SLC25A13: variants seen among roughly 807,000 people sequenced by gnomAD.
SLC25A13 encodes electrogenic aspartate/glutamate antiporter SLC25A13, mitochondrial.
In SLC25A13, 70 loss-of-function variants were observed where a neutral mutation model predicts 85.5. The observed-to-expected ratio is 0.82, with a 90% CI of 0.68 to 1.00. SLC25A13 has a LOEUF of 1.00. Ranked by LOEUF, SLC25A13 falls within the 50% of genes least tolerant of loss-of-function variation. The pLI, the probability that SLC25A13 is intolerant of heterozygous loss-of-function variation, is 0.00. For missense variants in SLC25A13, 765 were observed against 819.8 expected, an observed-to-expected ratio of 0.93 and a Z score of 0.82; for synonymous variants, 259 against 288.7, an observed-to-expected ratio of 0.90 and a Z score of 1.04.
At chr7:96,286,730 T>C (rs1451594769) in intron 2 of SLC25A13, among the ~76,000 whole-genome samples, 2 of 152,204 alleles carry the variant, frequency 1.3e-5, no homozygotes, top group Non-Finnish European at 2.9e-5. Flanking sequence ...TCCATGACAC[T>C]GTATCTAGGT....
chr7:96,170,366 T>C (rs1269422922), intron 12 of SLC25A13, among the ~76,000 whole-genome samples: 1 of 152,062 alleles, frequency 6.6e-6, no homozygotes, highest in Non-Finnish European at 1.5e-5. Context: ...AAAAGATAAA[T>C]GAAAGCCAAA....
Position 96,123,569 on chromosome 7 carries a change from G to A in SLC25A13, c.1592-1572C>T, listed in dbSNP as rs774163446. 8.5e-5 allele frequency among the ~76,000 whole-genome samples: 13 copies of A among 152,314 alleles called. No individual in the cohort carries two copies. In the South Asian group the frequency reaches 1.5e-3, roughly 17 times the overall value. On this transcript the variant is annotated intron_variant, in intron 15 of 17. Coordinates refer to ENST00000265631, the MANE Select transcript of SLC25A13 (RefSeq NM_014251.3). ...AGGTATGAAAGACACCTAGTAAGTT[G>A]CCTGGCAAAACTGATAGGAGTTGTG...
chr7:96,315,393 C>T (rs940023016), intron 1 of SLC25A13, among the ~76,000 whole-genome samples: 9 of 152,198 alleles, frequency 5.9e-5, no homozygotes, highest in African/African-American at 1.4e-4. Flanking sequence ...GAGGGAGACC[C>T]AGGCATCAGC....
chr7:96,226,100 A>G (rs1002852769), intron 4 of SLC25A13, among the ~76,000 whole-genome samples: 1 of 152,162 alleles, frequency 6.6e-6, no homozygotes, highest in African/African-American at 2.4e-5. Context: ...AACTATCAGC[A>G]CAATGTTGTG....
Position 96,121,196 on chromosome 7 carries a change from G to C in SLC25A13, c.2023C>G (p.Pro675Ala). 6.2e-7 allele frequency: 1 copy of C among 1,614,102 alleles called. No homozygotes were observed. Among genetic ancestry groups the C allele is most frequent in the Non-Finnish European group, 8.5e-7 (1 of 1,180,010 alleles). ...VSTSKAIGGG[P>A] The stretch of plus-strand genomic sequence containing the variant: ...CTATCCCAGGGCTGATCTTCCTATG[G>C]GCCTCCACCAATAGCCTTTGAGGTA... Residue 675 changes from proline to alanine, a missense_variant, in exon 18 of 18, where the codon CCA (proline) becomes GCA (alanine). Transcript: ENST00000265631.
rs202177210 is a variant in SLC25A13 at position 96,184,371 on chromosome 7, T to A, written c.1083A>T (p.Ser361=). 7 of 1,614,178 alleles carry A rather than the reference T, an allele frequency of 4.3e-6. No individual in the cohort carries two copies. Among genetic ancestry groups the A allele is most frequent in the Non-Finnish European group, 5.9e-6 (7 of 1,180,026 alleles). ...LVKTRMQNQR[S]TGSFVGELMY... ...TGAGTTCTCCCACAAAAGAGCCAGT[T>A]GATCGTTGGTTCTGCATTCGAGTTT... The change falls in exon 11 of 18, where the codon TCA becomes TCT. Residue 361 remains serine (S), a synonymous_variant. Coordinates refer to ENST00000265631, the MANE Select transcript of SLC25A13 (RefSeq NM_014251.3).
intron 1 of SLC25A13, among the ~76,000 whole-genome samples, chr7:96,321,372 G>A (rs906332819): frequency 2.0e-5 from 3 of 152,306 alleles, no homozygotes; most frequent in Non-Finnish European, 2.9e-5. Context: ...ATGGGAAAGC[G>A]GGGAGGGGGA....
chr7:96,142,645 T>TA (rs1462694278), intron 14 of SLC25A13, among the ~76,000 whole-genome samples: 2 of 152,186 alleles, frequency 1.3e-5, no homozygotes, highest in African/African-American at 2.4e-5. Context: ...TATATTAATA[T>TA]AAAATCTTCA....
intron 4 of SLC25A13, among the ~76,000 whole-genome samples, chr7:96,210,626 T>A (rs1795655089): frequency 6.6e-6 from 1 of 152,190 alleles, no homozygotes; most frequent in African/African-American, 2.4e-5. Flanking sequence ...ACCGAGATAA[T>A]CTGTGACTCC....
intron 9 of SLC25A13, among the ~76,000 whole-genome samples, chr7:96,187,032 A>T (rs1044370517): frequency 6.6e-6 from 1 of 152,136 alleles, no homozygotes; most frequent in African/African-American, 2.4e-5. Context: ...ACTTCAGGTC[A>T]GTCAGTCATT....
In SLC25A13 at chr7:96,320,294, A is replaced by G. The variant is rs569495924; in HGVS notation, c.15+1648T>C. Among the ~76,000 whole-genome samples the G allele has an allele frequency of 3.7e-4, 57 of 152,330 alleles. 1 individual carries two copies. In the South Asian group the frequency reaches 0.012, roughly 31 times the overall value. On this transcript the variant is annotated intron_variant, in intron 1 of 17. Coordinates refer to ENST00000265631, the MANE Select transcript of SLC25A13 (RefSeq NM_014251.3). ...AGTGCTGGGATTACAGGCATGAGCC[A>G]CAGCACCAGGTCACTTATTTTACTT...
At chr7:96,144,380 T>C (rs566466632) in intron 14 of SLC25A13, among the ~76,000 whole-genome samples, 13 of 152,272 alleles carry the variant, frequency 8.5e-5, no homozygotes, top group Non-Finnish European at 1.3e-4. Flanking sequence ...AACAGGAAGA[T>C]AGAGATTACT....
At chr7:96,269,409 C>G (rs531373203) in intron 3 of SLC25A13, among the ~76,000 whole-genome samples, 68 of 152,346 alleles carry the variant, frequency 4.5e-4, no homozygotes, top group African/African-American at 1.6e-3. Context: ...CTTTAGGAAG[C>G]AGCCATGCCC....
intron 4 of SLC25A13, among the ~76,000 whole-genome samples, chr7:96,229,981 T>A (rs1796475406): frequency 6.6e-6 from 1 of 152,318 alleles, no homozygotes; most frequent in African/African-American, 2.4e-5. Context: ...ATACATATTT[T>A]CTGTGACCGA....
chr7:96,179,960 T>A (rs1345488498), intron 11 of SLC25A13, among the ~76,000 whole-genome samples: 1 of 151,994 alleles, frequency 6.6e-6, no homozygotes, highest in Non-Finnish European at 1.5e-5. Flanking sequence ...CCATCAATGA[T>A]AAGGGACCTG....
At chr7:96,297,048 G>A in intron 1 of SLC25A13, 97 bp from the exon 2 acceptor site, 1 of 1,145,210 alleles carries the variant, frequency 8.7e-7, no homozygotes, top group Non-Finnish European at 1.3e-6. Flanking sequence ...AAAAATTAGT[G>A]CATTTCATTT....
chr7:96,321,989 C>CACTG lies in SLC25A13; in HGVS notation c.-37_-34dup, dbSNP rs770401744. 2 of 1,536,498 alleles carry CACTG rather than the reference C, an allele frequency of 1.3e-6. No homozygotes were observed. Among genetic ancestry groups the CACTG allele is most frequent in the South Asian group, 2.4e-5 (2 of 82,274 alleles). ...CCCGGTTGCGGGCGACTGCGGGACC[C>CACTG]ACTGACTGGCTGGCTGGCGTTTGGG... On this transcript the variant is annotated 5_prime_UTR_variant, in exon 1 of 18. Transcript: ENST00000265631.
In SLC25A13 at chr7:96,146,654, C is replaced by T. The variant is rs143877538; in HGVS notation, c.1354G>A (p.Val452Ile). The change falls in exon 14 of 18, where the codon GTC becomes ATC. Residue 452 changes from valine (V) to isoleucine (I), a missense_variant. Physicochemically the swap from Val to Ile is conservative, Grantham distance 29. Coordinates refer to ENST00000265631, the MANE Select transcript of SLC25A13 (RefSeq NM_014251.3). The stretch of plus-strand genomic sequence containing the variant: ...CCTGCCACTTGCAAACGGATCTTGA[C>T]GATTTCTAAAGGATTTGTGAAAATC... ...QVIFTNPLEI[V>I]KIRLQVAGEI... is the part of the protein sequence containing the mutation. 781 of 1,613,926 alleles carry T rather than the reference C, an allele frequency of 4.8e-4. 5 individuals are homozygous for T. Among genetic ancestry groups the T allele is most frequent in the South Asian group, 3.4e-3 (310 of 91,080 alleles).
At chr7:96,133,185 C>A (rs1279033455) in intron 14 of SLC25A13, among the ~76,000 whole-genome samples, 3 of 152,178 alleles carry the variant, frequency 2.0e-5, no homozygotes, top group African/African-American at 2.4e-5. Flanking sequence ...TCAACTTACC[C>A]ATGGATGTGT....
Sources: allele counts gnomAD v4.1 joint callset (sites outside exome capture counted in the v4.1 genomes callset), GRCh38; gene constraint gnomAD v4.1.1; transcripts MANE v1.5; gene names NCBI Gene and HGNC (gene_info 2026-07-23, HGNC 2026-07-21).